The following SNRPA1 variants were observed in gnomAD, a reference collection of about 807,000 sequenced individuals.
SNRPA1 encodes the protein small nuclear ribonucleoprotein polypeptide A'.
Under a neutral mutation model 32.3 loss-of-function variants are expected in SNRPA1, and 5 were observed. That is an observed-to-expected ratio of 0.15 (90% CI 0.08 to 0.33). The LOEUF (loss-of-function observed/expected upper bound fraction) is 0.33, where lower values mean the gene tolerates loss of function less well. Ranked by LOEUF, SNRPA1 falls within the 10% of genes least tolerant of loss-of-function variation. The probability of loss-of-function intolerance (pLI) is 1.00; values close to 1 mark genes in which losing one functional copy is unlikely to be tolerated. For synonymous variants in SNRPA1, 111 were observed against 120.1 expected, an observed-to-expected ratio of 0.92 and a Z score of 0.50; for missense variants, 198 against 311.1, an observed-to-expected ratio of 0.64 and a Z score of 2.74.
At chr15:101,288,452 A>T (rs189267209) in intron 3 of SNRPA1, 1 of 152,218 alleles carries the variant, frequency 6.6e-6, no homozygotes, top group East Asian at 1.9e-4. Flanking sequence ...GTTTCACTGT[A>T]TTAGCCACGA....
In SNRPA1 at chr15:101,285,753, T is replaced by C; in HGVS notation, c.588A>G (p.Pro196=). 11 of 1,613,944 alleles carry C rather than the reference T, an allele frequency of 6.8e-6. No individual in the cohort carries two copies. The highest frequency in any genetic ancestry group is 9.3e-6 in the Non-Finnish European group (11 of 1,179,818). Residue 196 remains proline (P), a synonymous_variant, in exon 7 of 9, where the codon CCA becomes CCG. Coordinates refer to ENST00000254193, the MANE Select transcript of SNRPA1 (RefSeq NM_003090.4). ...GLPTDKKKGG[P]SPGDVEAIKN... ...TGATTGCTTCTACATCCCCTGGAGA[T>C]GGCCCACCTTTCTTTTTGTCAGTTG...
At chr15:101,293,267 G>T in intron 1 of SNRPA1, 95 bp from the exon 2 acceptor site, 1 of 844,414 alleles carries the variant, frequency 1.2e-6, no homozygotes, top group Non-Finnish European at 1.8e-6. Context: ...CTGACTCCAG[G>T]CTTTGATTTA....
intron 8 of SNRPA1, among the ~76,000 whole-genome samples, chr15:101,284,409 G>T (rs1190997845): frequency 6.6e-6 from 1 of 152,072 alleles, no homozygotes; most frequent in Non-Finnish European, 1.5e-5. Context: ...CATGGCTATC[G>T]CTAGTGTTCG....
intron 7 of SNRPA1, 132 bp from the exon 8 acceptor site, chr15:101,285,192 A>G (rs1232889423): frequency 6.5e-6 from 4 of 619,024 alleles, no homozygotes; most frequent in Middle Eastern, 5.1e-4. Context: ...ACTTTGGTGT[A>G]GGGGGAAGAA....
intron 8 of SNRPA1, among the ~76,000 whole-genome samples, chr15:101,283,218 C>T (rs2039416212): frequency 6.6e-6 from 1 of 152,154 alleles, no homozygotes; most frequent in African/African-American, 2.4e-5. Context: ...TGCAAATGTT[C>T]ATACTAAAGC....
intron 5 of SNRPA1, chr15:101,286,641 G>A (rs1447330984): frequency 2.2e-6 from 1 of 464,336 alleles, no homozygotes; most frequent in African/African-American, 2.0e-5. Context: ...TATCTAGGCA[G>A]ACAATCCACT....
intron 3 of SNRPA1, 97 bp from the exon 4 acceptor site, chr15:101,287,799 A>G (rs1023404086): frequency 9.4e-7 from 1 of 1,060,774 alleles, no homozygotes; most frequent in African/African-American, 1.6e-5. Context: ...TCTTTTCATT[A>G]TTTACTGAAT....
At position 101,285,747 on chromosome 15, in the gene SNRPA1, T is replaced by C. The variant is rs2039447852; in HGVS notation, c.594A>G (p.Pro198=). The change falls in exon 7 of 9, where the codon CCA becomes CCG. Residue 198 remains proline (P), a synonymous_variant. Coordinates refer to ENST00000254193, the MANE Select transcript of SNRPA1 (RefSeq NM_003090.4). ...PTDKKKGGPS[P]GDVEAIKNAI... is the part of the protein sequence containing the mutation. ...TTACCTTGATTGCTTCTACATCCCC[T>C]GGAGATGGCCCACCTTTCTTTTTGT... The C allele has an allele frequency of 3.1e-6, 5 of 1,613,684 alleles. No homozygotes were observed. Among genetic ancestry groups the C allele is most frequent in the Non-Finnish European group, 3.4e-6 (4 of 1,179,596 alleles).
rs1567124598 is a variant in SNRPA1 at position 101,286,194 on chromosome 15, G to A, written c.539+20C>T. The A allele has an allele frequency of 6.2e-7, 1 of 1,602,098 alleles. No homozygotes were observed. Among genetic ancestry groups the A allele is most frequent in the Non-Finnish European group, 8.6e-7 (1 of 1,169,326 alleles). The stretch of plus-strand genomic sequence containing the variant: ...GTTTCTGAAGGTGAAGTAGAGTTAA[G>A]TTGGATATCCGTGTCTTACGTTTTG... On this transcript the variant is annotated intron_variant, in intron 6 of 8. Coordinates refer to ENST00000254193, the MANE Select transcript of SNRPA1 (RefSeq NM_003090.4).
intron 7 of SNRPA1, 142 bp downstream of exon 7, chr15:101,285,584 T>C (rs903231321): frequency 9.7e-6 from 6 of 619,342 alleles, no homozygotes; most frequent in Admixed American, 3.1e-5. Context: ...TATGCTAGTT[T>C]TTCCTTAAAC....
At chr15:101,285,182 A>C in intron 7 of SNRPA1, 122 bp from the exon 8 acceptor site, 2 of 667,628 alleles carry the variant, frequency 3.0e-6, no homozygotes, top group Non-Finnish European at 5.3e-6. Context: ...AACATTAAAT[A>C]CTTTGGTGTA....
chr15:101,292,163 G>A, intron 2 of SNRPA1, 123 bp from the exon 3 acceptor site: 1 of 689,316 alleles, frequency 1.5e-6, no homozygotes, highest in African/African-American at 1.8e-5. Flanking sequence ...CCCTGATAAA[G>A]AGGAAACAAA....
chr15:101,294,889 C>CGCTAACAGAAG (rs2039570643), intron 1 of SNRPA1: 2 of 436,454 alleles, frequency 4.6e-6, no homozygotes, highest in Non-Finnish European at 4.1e-6. Context: ...AGAGGCACGG[C>CGCTAACAGAAG]GCTAACAGAA....
intron 3 of SNRPA1, among the ~76,000 whole-genome samples, chr15:101,291,750 C>T (rs991512605): frequency 5.3e-5 from 8 of 152,166 alleles, no homozygotes; most frequent in Non-Finnish European, 1.2e-4. Flanking sequence ...AGGAACTTCT[C>T]TAACAAGACA....
chr15:101,286,488 C>T, intron 5 of SNRPA1, 195 bp from the exon 6 acceptor site: 1 of 521,060 alleles, frequency 1.9e-6, no homozygotes, highest in Non-Finnish European at 3.4e-6. Context: ...AGTTCATTCT[C>T]CTAGCTCCAA....
Position 101,294,952 on chromosome 15 carries a change from G to A in SNRPA1, c.82+145C>T. 4 of 509,578 alleles carry A rather than the reference G, an allele frequency of 7.8e-6. No homozygotes were observed. In the South Asian group the frequency reaches 1.1e-4, roughly 14 times the overall value. 31.6% of individuals were successfully genotyped at this position (509,578 alleles called of 1,614,324 possible). ...ATCTGGCAACAACGGCAAGAATCAG[G>A]CCCGGCGTTCCCTGCGCAGCCCGGT... is the stretch of plus-strand genomic sequence containing the variant. On this transcript the variant is annotated intron_variant, in intron 1 of 8. Transcript: ENST00000254193.
At chr15:101,291,570 G>A (rs1311125074) in intron 3 of SNRPA1, among the ~76,000 whole-genome samples, 2 of 149,238 alleles carry the variant, frequency 1.3e-5, no homozygotes, top group Non-Finnish European at 3.0e-5. Context: ...GTATTTTATA[G>A]TTCTAGCACA....
intron 3 of SNRPA1, chr15:101,287,908 A>G: frequency 1.9e-6 from 1 of 531,380 alleles, no homozygotes. Context: ...CTTGGCATTA[A>G]CAGCTTCTGT....
intron 8 of SNRPA1, among the ~76,000 whole-genome samples, chr15:101,283,062 C>T (rs2039414669): frequency 6.6e-6 from 1 of 152,154 alleles, no homozygotes; most frequent in Non-Finnish European, 1.5e-5. Flanking sequence ...ATTATCTTTA[C>T]TGCTGCATCC....
Sources: gnomAD v4.1 joint callset for allele counts (sites outside exome capture counted in the v4.1 genomes callset) on GRCh38, gnomAD v4.1.1 for gene constraint, MANE v1.5 for transcripts, NCBI Gene and HGNC (gene_info 2026-07-23, HGNC 2026-07-21) for gene names.